Variants in NAPB observed in about 807,000 individuals in gnomAD.
NAPB encodes the protein beta-soluble NSF attachment protein.
A neutral mutation model predicts 44.7 loss-of-function variants in NAPB; 26 were observed. The ratio of observed to expected loss-of-function variants is 0.58; its 90% CI spans 0.43 to 0.81. NAPB has a LOEUF of 0.81. Among genes scored for constraint, NAPB ranks in the 30% least tolerant of loss-of-function variants. The pLI is 0.00. For synonymous variants in NAPB, 120 were observed against 116.8 expected, an observed-to-expected ratio of 1.03 and a Z score of -0.18; for missense variants, 315 against 356.4, an observed-to-expected ratio of 0.88 and a Z score of 0.94.
intron 8 of NAPB, chr20:23,381,002 T>C: frequency 2.0e-6 from 1 of 510,062 alleles, no homozygotes; most frequent in East Asian, 3.7e-5. Flanking sequence ...CAGGGTGGTA[T>C]GGCTATAAAC....
chr20:23,381,164 C>T (rs371110459), intron 8 of NAPB, 49 bp downstream of exon 8: 15 of 1,223,940 alleles, frequency 1.2e-5, no homozygotes, highest in African/African-American at 1.2e-4. Flanking sequence ...AGAATGTGTA[C>T]GTATTCTTAT....
At chr20:23,421,205 C>G in intron 1 of NAPB, 100 bp downstream of exon 1, 1 of 1,016,960 alleles carries the variant, frequency 9.8e-7, no homozygotes, top group Non-Finnish European at 1.4e-6. Flanking sequence ...GGTCTGAGGG[C>G]CCCAGAGGTT....
chr20:23,385,593 T>C (rs1410468670), intron 7 of NAPB, among the ~76,000 whole-genome samples: 1 of 152,048 alleles, frequency 6.6e-6, no homozygotes. Context: ...ACACCTGTAA[T>C]CCCAGCTACT....
chr20:23,400,057 TACC>T (rs1984714819), intron 2 of NAPB, among the ~76,000 whole-genome samples: 1 of 152,302 alleles, frequency 6.6e-6, no homozygotes, highest in South Asian at 2.1e-4. Context: ...TGCTCAGTAA[TACC>T]ACAACACCCA....
rs117207623 is a variant in NAPB, at chr20:23,405,014, A to C, written c.99-1942T>G. Among the ~76,000 whole-genome samples, 934 of 152,342 alleles carry C rather than the reference A, an allele frequency of 6.1e-3. 5 individuals carry two copies. The highest frequency in any genetic ancestry group is 8.9e-3 in the Non-Finnish European group (608 of 68,022). On this transcript the variant is annotated intron_variant, in intron 1 of 10. Coordinates refer to ENST00000377026, the MANE Select transcript of NAPB (RefSeq NM_022080.3). ...GTACACACCCAAGAGAAATTAAAAC[A>C]CATCCCGGCGGGGCGAGGAGGCTCA...
intron 10 of NAPB, 69 bp from the exon 11 acceptor site, chr20:23,377,555 C>G: frequency 1.0e-6 from 1 of 958,080 alleles, no homozygotes; most frequent in African/African-American, 1.6e-5. Context: ...TAATAGTACC[C>G]CAAGCTGTTT....
intron 1 of NAPB, among the ~76,000 whole-genome samples, chr20:23,420,809 GCC>G (rs66487020): frequency 0.35 from 51,606 of 148,698 alleles, 9,662 homozygotes; most frequent in East Asian, 0.62. Context: ...GAGGCTGACA[GCC>G]CCCCCCCCAG....
At chr20:23,395,315 T>C in intron 3 of NAPB, 130 bp from the exon 4 acceptor site, 1 of 867,290 alleles carries the variant, frequency 1.2e-6, no homozygotes, top group African/African-American at 1.7e-5. Context: ...GTGGGCAGGT[T>C]AATGAGAAGC....
intron 3 of NAPB, 121 bp from the exon 4 acceptor site, chr20:23,395,306 T>G (rs1600577634): frequency 2.0e-6 from 2 of 1,008,556 alleles, no homozygotes. Context: ...GAGTGGAGGG[T>G]GGGCAGGTTA....
At chr20:23,378,185 G>T (rs867705220) in intron 10 of NAPB, among the ~76,000 whole-genome samples, 10 of 151,188 alleles carry the variant, frequency 6.6e-5, no homozygotes, top group Middle Eastern at 3.4e-3. Flanking sequence ...TTAGCTGGGG[G>T]TGGTGGTGTG....
chr20:23,408,894 T>A (rs1265749430), intron 1 of NAPB, among the ~76,000 whole-genome samples: 1 of 152,194 alleles, frequency 6.6e-6, no homozygotes, highest in Non-Finnish European at 1.5e-5. Flanking sequence ...CAATACAATG[T>A]GTCAATTAAA....
At chr20:23,391,573 T>C (rs1983961463) in intron 5 of NAPB, among the ~76,000 whole-genome samples, 1 of 152,170 alleles carries the variant, frequency 6.6e-6, no homozygotes, top group African/African-American at 2.4e-5. Flanking sequence ...CTAGCCAAAG[T>C]TTTTCTCTAA....
chr20:23,380,031 TTAAGTG>T, intron 8 of NAPB, 96 bp from the exon 9 acceptor site: 1 of 902,460 alleles, frequency 1.1e-6, no homozygotes, highest in Non-Finnish European at 1.7e-6. Context: ...CTATATCCTA[TTAAGTG>T]TTGAAAAAGT....
At chr20:23,415,282 G>C (rs770917682) in intron 1 of NAPB, among the ~76,000 whole-genome samples, 2 of 152,172 alleles carry the variant, frequency 1.3e-5, no homozygotes, top group Non-Finnish European at 2.9e-5. Context: ...AGAAGACTCA[G>C]AGAACTTTAC....
At chr20:23,414,327 A>C (rs1451476273) in intron 1 of NAPB, among the ~76,000 whole-genome samples, 1 of 152,234 alleles carries the variant, frequency 6.6e-6, no homozygotes, top group Non-Finnish European at 1.5e-5. Flanking sequence ...GTCGCAAAAA[A>C]ATAAACAAAT....
At chr20:23,385,741 A>G (rs1247926307) in intron 7 of NAPB, among the ~76,000 whole-genome samples, 59 of 144,806 alleles carry the variant, frequency 4.1e-4, no homozygotes, top group East Asian at 4.3e-4. Flanking sequence ...AAAGAAGAGA[A>G]AGAGAGAGAG....
chr20:23,421,212 G>A lies in NAPB; in HGVS notation c.98+93C>T, dbSNP rs574946033. 223 of 1,115,680 alleles carry A rather than the reference G, an allele frequency of 2.0e-4. No homozygotes were observed. The African/African-American group carries it at 3.2e-3, about 16-fold the overall frequency. 69.1% of individuals were successfully genotyped at this position (1,115,680 alleles called of 1,614,324 possible). A position where few individuals can be genotyped will look rare whatever the true frequency, so the allele number is the denominator to read the frequency against. On this transcript the variant is annotated intron_variant, in intron 1 of 10. Coordinates refer to ENST00000377026, the MANE Select transcript of NAPB (RefSeq NM_022080.3). ...CTAGACGTGGTCTGAGGGCCCCAGAGGTTGCGTGGGGGACTCGGGGGGTCA... is the reference window on the plus strand; with the variant it reads ...CTAGACGTGGTCTGAGGGCCCCAGAAGTTGCGTGGGGGACTCGGGGGGTCA...
At chr20:23,404,801 C>T (rs1340563829) in intron 1 of NAPB, among the ~76,000 whole-genome samples, 2 of 152,140 alleles carry the variant, frequency 1.3e-5, no homozygotes, top group Non-Finnish European at 2.9e-5. Flanking sequence ...CATGTGATAC[C>T]ACATGGCTCC....
At chr20:23,409,267 G>A (rs1224434006) in intron 1 of NAPB, among the ~76,000 whole-genome samples, 1 of 152,118 alleles carries the variant, frequency 6.6e-6, no homozygotes, top group Non-Finnish European at 1.5e-5. Flanking sequence ...CTTAATTAAG[G>A]ACAAAAATCA....
Sources: allele counts gnomAD v4.1 joint callset (sites outside exome capture counted in the v4.1 genomes callset), GRCh38; gene constraint gnomAD v4.1.1; transcripts MANE v1.5; gene names NCBI Gene and HGNC (gene_info 2026-07-23, HGNC 2026-07-21).